The following SPAG17 variants were observed in gnomAD, a reference collection of about 807,000 sequenced individuals.
The protein encoded by SPAG17 is sperm associated antigen 17, also known as sperm-associated antigen 17.
In SPAG17, 169 loss-of-function variants were observed where a neutral mutation model predicts 273.6. The ratio of observed to expected loss-of-function variants is 0.62; its 90% CI spans 0.55 to 0.70. The LOEUF is 0.70. SPAG17 is among the 30% of genes least tolerant of loss of function. The probability of loss-of-function intolerance (pLI) is 0.00; values close to 1 mark genes in which losing one functional copy is unlikely to be tolerated. For missense variants in SPAG17, 2,557 were observed against 2,627.8 expected (o/e 0.97, Z 0.59); for synonymous variants, 825 against 873.2 (o/e 0.94, Z 0.97).
At chr1:117,960,322 T>TTA (rs1250966914) in intron 48 of SPAG17, 3 of 152,150 alleles carry the variant, frequency 2.0e-5, no homozygotes, top group African/African-American at 2.4e-5. Context: ...GACTGATGTA[T>TTA]TATATATATT....
chr1:118,170,359 T>C (rs1660363912), intron 1 of SPAG17, among the ~76,000 whole-genome samples: 1 of 152,066 alleles, frequency 6.6e-6, no homozygotes, highest in South Asian at 2.1e-4. Context: ...TATTAAGTTA[T>C]AAGAGAGATC....
chr1:118,072,209 C>A (rs1653670136), intron 17 of SPAG17, among the ~76,000 whole-genome samples: 1 of 152,182 alleles, frequency 6.6e-6, no homozygotes, highest in African/African-American at 2.4e-5. Context: ...TTAGCATTTA[C>A]TATAAAGCCC....
chr1:118,177,981 T>C (rs1229459202), intron 1 of SPAG17, among the ~76,000 whole-genome samples: 1 of 152,164 alleles, frequency 6.6e-6, no homozygotes, highest in Admixed American at 6.6e-5. Flanking sequence ...TGAATTCTAT[T>C]GAACATTTAA....
chr1:118,111,621 G>A (rs962807984), intron 4 of SPAG17, among the ~76,000 whole-genome samples: 2 of 148,814 alleles, frequency 1.3e-5, no homozygotes, highest in Non-Finnish European at 3.0e-5. Context: ...GGTTTCCAGT[G>A]TTTCGGAGTT....
intron 3 of SPAG17, 99 bp from the exon 4 acceptor site, chr1:118,115,540 C>G: frequency 3.3e-6 from 4 of 1,225,762 alleles, no homozygotes; most frequent in Non-Finnish European, 4.4e-6. Flanking sequence ...TATTATTTGT[C>G]ATACTGGAAA....
chr1:117,969,409 T>C (rs533670779), intron 46 of SPAG17, among the ~76,000 whole-genome samples: 2 of 152,034 alleles, frequency 1.3e-5, no homozygotes, highest in South Asian at 2.1e-4. Context: ...TGAAACCCTG[T>C]CTCTACTAAA....
At chr1:118,177,557 G>A (rs777245226) in intron 1 of SPAG17, among the ~76,000 whole-genome samples, 12 of 152,004 alleles carry the variant, frequency 7.9e-5, no homozygotes, top group East Asian at 3.9e-4. Flanking sequence ...TTAAATTAGC[G>A]GAAGGAAAAT....
intron 1 of SPAG17, among the ~76,000 whole-genome samples, chr1:118,161,413 G>A: frequency 6.6e-6 from 1 of 152,194 alleles, no homozygotes; most frequent in East Asian, 1.9e-4. Context: ...CAATCCTAGT[G>A]GGAGGGAAGA....
At chr1:118,144,270 T>C (rs1175211927) in intron 3 of SPAG17, among the ~76,000 whole-genome samples, 1 of 152,230 alleles carries the variant, frequency 6.6e-6, no homozygotes, top group African/African-American at 2.4e-5. Flanking sequence ...TGACTTTCTC[T>C]GCTGAGCTGC....
intron 28 of SPAG17, among the ~76,000 whole-genome samples, chr1:118,018,695 A>C (rs967963040): frequency 6.6e-6 from 1 of 151,914 alleles, no homozygotes; most frequent in Non-Finnish European, 1.5e-5. Context: ...ATTGCTGAGC[A>C]TGGTGGTGCA....
intron 18 of SPAG17, among the ~76,000 whole-genome samples, chr1:118,058,410 T>C (rs921746609): frequency 1.3e-5 from 2 of 152,190 alleles, no homozygotes; most frequent in Non-Finnish European, 2.9e-5. Context: ...TTTTGCCATG[T>C]TGCCCAGGCT....
At chr1:118,164,336 C>T (rs1359204264) in intron 1 of SPAG17, among the ~76,000 whole-genome samples, 2 of 152,168 alleles carry the variant, frequency 1.3e-5, no homozygotes, top group Admixed American at 1.3e-4. Flanking sequence ...CAAACCCTAA[C>T]ATAACAAAAC....
At chr1:118,148,162 G>A (rs1021418652) in intron 3 of SPAG17, among the ~76,000 whole-genome samples, 13 of 152,124 alleles carry the variant, frequency 8.5e-5, no homozygotes, top group African/African-American at 3.1e-4. Context: ...TTTGAGAAAT[G>A]GGATGTTGCA....
At chr1:118,159,481 T>C (rs1305680809) in intron 1 of SPAG17, among the ~76,000 whole-genome samples, 1 of 152,180 alleles carries the variant, frequency 6.6e-6, no homozygotes, top group Non-Finnish European at 1.5e-5. Context: ...GACCCAAGAA[T>C]GAATACACTT....
intron 3 of SPAG17, among the ~76,000 whole-genome samples, chr1:118,132,149 GGA>G (rs1297255241): frequency 6.6e-6 from 1 of 152,158 alleles, no homozygotes; most frequent in African/African-American, 2.4e-5. Flanking sequence ...CTCCACACTG[GGA>G]GAGTCAGCAA....
Position 118,023,390 on chromosome 1 carries a change from G to T in SPAG17, c.3983C>A (p.Ala1328Glu), listed in dbSNP as rs776071006. 3 of 1,612,750 alleles carry T rather than the reference G, an allele frequency of 1.9e-6. No individual in the cohort carries two copies. The South Asian group carries it at 3.3e-5, about 18-fold the overall frequency. Residue 1328 changes from alanine to glutamate, a missense_variant, in exon 28 of 49, where the codon GCA becomes GAA. Coordinates refer to ENST00000336338, the MANE Select transcript of SPAG17 (RefSeq NM_206996.4). ...GLICPPSEMPATPHSGDLMDS... is the reference protein window; with the variant it reads ...GLICPPSEMPETPHSGDLMDS... ...CATCAAATCTCCACTGTGAGGCGTT[G>T]CTGGCATTTCAGAAGGAGGACAAAT...
At chr1:118,047,518 C>T (rs898340731) in intron 20 of SPAG17, among the ~76,000 whole-genome samples, 2 of 152,086 alleles carry the variant, frequency 1.3e-5, no homozygotes, top group African/African-American at 4.8e-5. Context: ...CAAGCTGGCT[C>T]CCCATGGCCC....
chr1:118,016,225 A>C (rs1659966537), intron 28 of SPAG17, 43 bp from the exon 29 acceptor site: 1 of 1,450,432 alleles, frequency 6.9e-7, no homozygotes, highest in Non-Finnish European at 9.6e-7. Context: ...ATATAACTAT[A>C]GTATCAATTA....
chr1:117,976,311 C>T (rs555787140), intron 43 of SPAG17, among the ~76,000 whole-genome samples: 5 of 152,276 alleles, frequency 3.3e-5, no homozygotes, highest in East Asian at 1.9e-4. Flanking sequence ...CTATTGCATT[C>T]GTCTGAATAT....
Sources: allele counts gnomAD v4.1 joint callset (sites outside exome capture counted in the v4.1 genomes callset), GRCh38; gene constraint gnomAD v4.1.1; transcripts MANE v1.5; gene names NCBI Gene and HGNC (gene_info 2026-07-23, HGNC 2026-07-21).